Variants in KIAA1217 observed in about 807,000 individuals in gnomAD.
The protein encoded by KIAA1217 is sickle tail protein homolog.
In KIAA1217, 88 loss-of-function variants were observed where a neutral mutation model predicts 163.9. That is an observed-to-expected ratio of 0.54 (90% confidence interval 0.45 to 0.64). KIAA1217 has a LOEUF of 0.64. KIAA1217 is among the 30% of genes least tolerant of loss of function. KIAA1217 has a pLI of 0.00. For missense variants in KIAA1217, 2,372 were observed against 2,475.0 expected (o/e 0.96, Z 0.88); for synonymous variants, 903 against 923.1 (o/e 0.98, Z 0.39).
intron 1 of KIAA1217, among the ~76,000 whole-genome samples, chr10:23,759,891 G>C (rs936227352): frequency 1.3e-5 from 2 of 152,172 alleles, no homozygotes; most frequent in Admixed American, 6.5e-5. Flanking sequence ...CCTACATCAT[G>C]AGTATGAAGA....
chr10:23,761,013 G>A (rs778172054), intron 1 of KIAA1217, among the ~76,000 whole-genome samples: 4 of 152,152 alleles, frequency 2.6e-5, no homozygotes, highest in Non-Finnish European at 5.9e-5. Context: ...CTACAGGGAG[G>A]ATGAGGTGGG....
intron 3 of KIAA1217, among the ~76,000 whole-genome samples, chr10:24,423,782 C>T (rs1356901008): frequency 6.6e-6 from 1 of 152,152 alleles, no homozygotes; most frequent in Non-Finnish European, 1.5e-5. Flanking sequence ...GTGATCCACC[C>T]ACCTTGGCCT....
intron 2 of KIAA1217, among the ~76,000 whole-genome samples, chr10:24,313,058 T>C (rs1231669196): frequency 6.6e-6 from 1 of 152,184 alleles, no homozygotes; most frequent in Non-Finnish European, 1.5e-5. Context: ...GAACCTCAGA[T>C]ATGGAAGTTC....
At chr10:23,729,586 C>A (rs1005647032) in intron 1 of KIAA1217, among the ~76,000 whole-genome samples, 4 of 152,032 alleles carry the variant, frequency 2.6e-5, no homozygotes, top group African/African-American at 7.2e-5. Context: ...TATATTACTT[C>A]TTTAGTAGGG....
intron 1 of KIAA1217, among the ~76,000 whole-genome samples, chr10:23,788,412 T>A (rs993127): frequency 0.041 from 6,274 of 152,232 alleles, 392 homozygotes; most frequent in African/African-American, 0.14. Flanking sequence ...TTGGGGCTAA[T>A]GCTAGAGCTA....
intron 2 of KIAA1217, among the ~76,000 whole-genome samples, chr10:24,281,387 A>C (rs1452606533): frequency 6.6e-6 from 1 of 152,204 alleles, no homozygotes; most frequent in South Asian, 2.1e-4. Context: ...ATTAGGGTAC[A>C]GTGTGTTTGG....
intron 1 of KIAA1217, among the ~76,000 whole-genome samples, chr10:23,987,558 A>G (rs1054403656): frequency 6.6e-6 from 1 of 152,080 alleles, no homozygotes; most frequent in Non-Finnish European, 1.5e-5. Context: ...ATGCATCACA[A>G]AATGGCTAAA....
intron 2 of KIAA1217, among the ~76,000 whole-genome samples, chr10:24,011,617 T>C (rs1847238691): frequency 6.6e-6 from 1 of 152,158 alleles, no homozygotes; most frequent in South Asian, 2.1e-4. Flanking sequence ...TTCAAACAAG[T>C]TGTGAGTTTC....
At position 23,969,021 on chromosome 10, in the gene KIAA1217, C is replaced by G. The variant is rs186322779; in HGVS notation, c.-320-38204C>G. On this transcript the variant is annotated intron_variant, in intron 1 of 18. Coordinates refer to the KIAA1217 transcript ENST00000376462. ...GTGGAATTTCTGGGGCACATAGAAGCTCTATGTTTTTTTTGTTTGTTTGTT... is the reference window on the plus strand; with the variant it reads ...GTGGAATTTCTGGGGCACATAGAAGGTCTATGTTTTTTTTGTTTGTTTGTT... Among the ~76,000 whole-genome samples the G allele has an allele frequency of 2.2e-4, 33 of 152,170 alleles. No homozygotes were observed. In the East Asian group the frequency reaches 6.0e-3, roughly 28 times the overall value.
intron 2 of KIAA1217, among the ~76,000 whole-genome samples, chr10:24,010,727 G>A (rs1405493536): frequency 6.6e-6 from 1 of 151,624 alleles, no homozygotes; most frequent in Non-Finnish European, 1.5e-5. Context: ...AAAACCAGTG[G>A]AGTTAGAATA....
chr10:23,812,987 A>ACT (rs10652680), intron 1 of KIAA1217, among the ~76,000 whole-genome samples: 43,976 of 151,964 alleles, frequency 0.29, 7,189 homozygotes, highest in African/African-American at 0.45. Flanking sequence ...GTCTATGGTA[A>ACT]CTATGTTTAA....
At chr10:24,421,960 G>C (rs2058765141) in intron 3 of KIAA1217, among the ~76,000 whole-genome samples, 1 of 152,158 alleles carries the variant, frequency 6.6e-6, no homozygotes, top group South Asian at 2.1e-4. Flanking sequence ...AGACATACCT[G>C]AGACTGGGTA....
chr10:23,757,436 G>T (rs1833979831), intron 1 of KIAA1217, among the ~76,000 whole-genome samples: 1 of 152,064 alleles, frequency 6.6e-6, no homozygotes. Context: ...CCATCCTTAT[G>T]GGTGTGAGGG....
At chr10:23,855,618 G>T (rs1462244737) in intron 1 of KIAA1217, among the ~76,000 whole-genome samples, 2 of 152,140 alleles carry the variant, frequency 1.3e-5, no homozygotes, top group African/African-American at 2.4e-5. Context: ...TTCCAACTTG[G>T]TTCCATTCTC....
chr10:24,001,983 T>C (rs1846762385), intron 1 of KIAA1217, among the ~76,000 whole-genome samples: 1 of 152,110 alleles, frequency 6.6e-6, no homozygotes, highest in African/African-American at 2.4e-5. Flanking sequence ...GAGAACATAG[T>C]TGAATAAGCA....
At chr10:24,515,737 C>T (rs1408752504) in intron 10 of KIAA1217, among the ~76,000 whole-genome samples, 3 of 152,164 alleles carry the variant, frequency 2.0e-5, no homozygotes. Context: ...TTTGTATGAC[C>T]CACAGGCCAC....
chr10:24,515,178 C>G (rs1215828473), intron 10 of KIAA1217, among the ~76,000 whole-genome samples: 1 of 151,752 alleles, frequency 6.6e-6, no homozygotes, highest in Admixed American at 6.6e-5. Context: ...GCCTATTCTC[C>G]TATGTCAGCC....
intron 3 of KIAA1217, among the ~76,000 whole-genome samples, chr10:24,420,232 TTTCTC>T (rs534041048): frequency 3.4e-4 from 52 of 152,346 alleles, no homozygotes; most frequent in Middle Eastern, 3.4e-3. Flanking sequence ...TTTTCTGACT[TTTCTC>T]TATGTGACGA....
chr10:24,535,213 T>G (rs560272615), intron 16 of KIAA1217, among the ~76,000 whole-genome samples: 126 of 152,230 alleles, frequency 8.3e-4, no homozygotes, highest in African/African-American at 3.0e-3. Flanking sequence ...AGTAAGCGGA[T>G]AAACCAAACA....
Sources: allele counts gnomAD v4.1 joint callset (sites outside exome capture counted in the v4.1 genomes callset), GRCh38; gene constraint gnomAD v4.1.1; transcripts MANE v1.5; gene names NCBI Gene and HGNC (gene_info 2026-07-23, HGNC 2026-07-21).